The following TAS2R1 variants were observed in gnomAD, a reference collection of about 807,000 sequenced individuals.
TAS2R1 encodes taste receptor type 2 member 1.
For synonymous variants in TAS2R1, 141 were observed against 134.2 expected (o/e 1.05, Z -0.35); for missense variants, 370 against 353.4 (o/e 1.05, Z -0.38).
intron 2 of TAS2R1, among the ~76,000 whole-genome samples, chr5:9,654,840 T>C (rs1349871328): frequency 1.3e-5 from 2 of 152,234 alleles, no homozygotes; most frequent in Non-Finnish European, 2.9e-5. Flanking sequence ...TGGAAAACAG[T>C]ATGCCAACTT....
rs772446000 is a variant in TAS2R1, at chr5:9,629,148, A to C, written c.885T>G (p.Ser295Arg). 2.2e-5 allele frequency: 35 copies of C among 1,563,630 alleles called. No homozygotes were observed. Among genetic ancestry groups the C allele is most frequent in the Non-Finnish European group, 8.6e-7 (1 of 1,157,228 alleles). ...AACTTCTCTCTCACTGACAGCACTTACTGTGGAGGAGGAACTTTTTTGCAT... is the reference window on the plus strand; with the variant it reads ...AACTTCTCTCTCACTGACAGCACTTCCTGTGGAGGAGGAACTTTTTTGCAT... ...KQNAKKFLLH[S>R]KCCQ Residue 295 changes from serine (S) to arginine (R), a missense_variant, in exon 1 of 1, where the codon AGT (serine) becomes AGG (arginine). Coordinates refer to ENST00000382492, the MANE Select transcript of TAS2R1 (RefSeq NM_019599.3).
At chr5:9,699,624 TAGAAGGACCA>T (rs1424277004) in intron 1 of TAS2R1, among the ~76,000 whole-genome samples, 1 of 152,112 alleles carries the variant, frequency 6.6e-6, no homozygotes, top group African/African-American at 2.4e-5. Flanking sequence ...TAATTACTCA[TAGAAGGACCA>T]AGTGCTGCTT....
chr5:9,630,848 A>C (rs1739859426), upstream of TAS2R1, among the ~76,000 whole-genome samples: 1 of 152,232 alleles, frequency 6.6e-6, no homozygotes, highest in Non-Finnish European at 1.5e-5. Flanking sequence ...AGATAAAATA[A>C]TACATGATTA....
chr5:9,822,342 G>A, the TAS2R1 span, among the ~76,000 whole-genome samples: 1 of 136,908 alleles, frequency 7.3e-6, no homozygotes, highest in African/African-American at 2.7e-5. Context: ...GTATGCATGT[G>A]TAATTTTTTT....
intron 1 of TAS2R1, among the ~76,000 whole-genome samples, chr5:9,676,126 A>T (rs557879186): frequency 1.8e-4 from 28 of 152,230 alleles, no homozygotes; most frequent in Non-Finnish European, 3.4e-4. Flanking sequence ...TTTACCTTTT[A>T]TTTTATTAAT....
chr5:9,898,810 A>G, the TAS2R1 span, among the ~76,000 whole-genome samples: 2 of 152,188 alleles, frequency 1.3e-5, no homozygotes, highest in African/African-American at 4.8e-5. Flanking sequence ...AGACAGGCAG[A>G]GGGGCCTGGA....
intron 1 of TAS2R1, chr5:9,659,914 G>A (rs951008622): frequency 1.3e-5 from 2 of 152,062 alleles, no homozygotes; most frequent in African/African-American, 2.4e-5. Flanking sequence ...CCTGAGCCCC[G>A]AGCTCACCAG....
At chr5:9,757,049 T>C in the TAS2R1 span, among the ~76,000 whole-genome samples, 1 of 152,122 alleles carries the variant, frequency 6.6e-6, no homozygotes, top group East Asian at 1.9e-4. Flanking sequence ...CCCAGACAGA[T>C]TTCAGAGAAG....
At chr5:9,693,246 T>A (rs1579786467) in intron 1 of TAS2R1, among the ~76,000 whole-genome samples, 1 of 152,286 alleles carries the variant, frequency 6.6e-6, no homozygotes, top group East Asian at 1.9e-4. Flanking sequence ...CGGTGTCTCA[T>A]GCCTGTAATC....
intron 1 of TAS2R1, among the ~76,000 whole-genome samples, chr5:9,672,127 T>C (rs537344729): frequency 6.6e-6 from 1 of 152,244 alleles, no homozygotes; most frequent in South Asian, 2.1e-4. Flanking sequence ...TTACATCATA[T>C]ACAAAATTTA....
chr5:9,785,815 C>G, the TAS2R1 span, among the ~76,000 whole-genome samples: 11 of 152,156 alleles, frequency 7.2e-5, no homozygotes, highest in African/African-American at 2.7e-4. Context: ...AACTAACAAC[C>G]TCCCACACCC....
chr5:9,643,314 A>G lies in TAS2R1; in HGVS notation c.-80-13322T>C, dbSNP rs80341605. 2.0e-3 allele frequency among the ~76,000 whole-genome samples: 301 copies of G among 152,344 alleles called. 1 individual carries two copies. The highest frequency in any genetic ancestry group is 7.0e-3 in the African/African-American group (291 of 41,594). On this transcript the variant is annotated intron_variant, in intron 2 of 2. Transcript: ENST00000506620. ...TTGCTCCTAGGCTACAAATCTGTAC[A>G]ACATGTTACTGTCCTGAATGCTGTA...
the TAS2R1 span, among the ~76,000 whole-genome samples, chr5:9,884,914 C>T: frequency 2.6e-5 from 4 of 152,192 alleles, no homozygotes; most frequent in Non-Finnish European, 4.4e-5. Flanking sequence ...AATGTTCTTA[C>T]TTTCTAAATT....
rs192112579 is a variant in TAS2R1, at chr5:9,630,263, G to A, written c.-231C>T. The A allele has an allele frequency of 1.3e-4, 45 of 340,410 alleles. No individual in the cohort carries two copies. In the Admixed American group the frequency reaches 1.3e-3, roughly 10 times the overall value. The allele number at this position is 340,410 out of a possible 1,614,324, so 21.1% of individuals were successfully genotyped here. Reference sequence around the variant, plus strand: ...CTCTAGCATCAATTTGCTTCTTATTGATGGCTTTTGCATTTTACAGGTTTA... The same window carrying A: ...CTCTAGCATCAATTTGCTTCTTATTAATGGCTTTTGCATTTTACAGGTTTA... On this transcript the variant is annotated 5_prime_UTR_variant, in exon 1 of 1. Transcript: ENST00000382492.
At chr5:9,716,872 G>C (rs532948821), upstream of TAS2R1, among the ~76,000 whole-genome samples, 1 of 152,242 alleles carries the variant, frequency 6.6e-6, no homozygotes, top group Non-Finnish European at 1.5e-5. Context: ...CTGAGTCTCA[G>C]CCTGCCTACC....
chr5:9,695,097 A>C (rs1741331683), intron 1 of TAS2R1, among the ~76,000 whole-genome samples: 1 of 152,220 alleles, frequency 6.6e-6, no homozygotes, highest in African/African-American at 2.4e-5. Flanking sequence ...CTAAAAAGGA[A>C]GGAAGAATGT....
chr5:9,795,075 A>T, the TAS2R1 span, among the ~76,000 whole-genome samples: 2 of 151,962 alleles, frequency 1.3e-5, no homozygotes, highest in Non-Finnish European at 2.9e-5. Context: ...GTGGGGGGAC[A>T]GATATTCAAC....
At chr5:9,678,920 T>C (rs1363208747) in intron 1 of TAS2R1, among the ~76,000 whole-genome samples, 1 of 152,188 alleles carries the variant, frequency 6.6e-6, no homozygotes, top group Non-Finnish European at 1.5e-5. Flanking sequence ...CCTGCACATG[T>C]ACCCTGGAAC....
the TAS2R1 span, among the ~76,000 whole-genome samples, chr5:9,878,061 G>A: frequency 6.6e-6 from 1 of 152,108 alleles, no homozygotes; most frequent in East Asian, 1.9e-4. Flanking sequence ...ACTAGGACTG[G>A]CTCCACTGAA....
Sources: allele counts gnomAD v4.1 joint callset (sites outside exome capture counted in the v4.1 genomes callset), GRCh38; gene constraint gnomAD v4.1.1; transcripts MANE v1.5; gene names NCBI Gene and HGNC (gene_info 2026-07-23, HGNC 2026-07-21).